Variants in MDGA2 observed in about 807,000 individuals in gnomAD.
The protein encoded by MDGA2 is MAM domain-containing glycosylphosphatidylinositol anchor protein 2.
A neutral mutation model predicts 117.8 loss-of-function variants in MDGA2; 40 were observed. That is an observed-to-expected ratio of 0.34 (90% confidence interval 0.26 to 0.44). The LOEUF (loss-of-function observed/expected upper bound fraction) is 0.44, where lower values mean the gene tolerates loss of function less well. Ranked by LOEUF, MDGA2 falls within the 20% of genes least tolerant of loss-of-function variation. The probability of loss-of-function intolerance (pLI) is 1.00; values close to 1 mark genes in which losing one functional copy is unlikely to be tolerated. For missense variants in MDGA2, 1,123 were observed against 1,250.6 expected (o/e 0.90, Z 1.54); for synonymous variants, 452 against 439.0 (o/e 1.03, Z -0.37).
At chr14:47,046,494 TA>T (rs1889270471) in intron 7 of MDGA2, among the ~76,000 whole-genome samples, 1 of 150,892 alleles carries the variant, frequency 6.6e-6, no homozygotes, top group Non-Finnish European at 1.5e-5. Context: ...GGGATATACC[TA>T]ATGTAAATGA....
At chr14:47,303,222 G>A (rs1421893667) in intron 1 of MDGA2, among the ~76,000 whole-genome samples, 1 of 152,034 alleles carries the variant, frequency 6.6e-6, no homozygotes, top group Non-Finnish European at 1.5e-5. Context: ...TAGGTTCTGG[G>A]TATTATATTC....
chr14:47,258,316 C>A (rs1887688186), intron 2 of MDGA2, among the ~76,000 whole-genome samples: 1 of 152,030 alleles, frequency 6.6e-6, no homozygotes, highest in South Asian at 2.1e-4. Context: ...AGCATGGCTG[C>A]AGAGGCTCAG....
chr14:47,290,161 A>AC (rs1888831255), intron 2 of MDGA2, among the ~76,000 whole-genome samples: 1 of 152,052 alleles, frequency 6.6e-6, no homozygotes, highest in Non-Finnish European at 1.5e-5. Context: ...CCCTCCCCAG[A>AC]ATTCATTCAT....
At chr14:47,285,912 T>C (rs949904026) in intron 2 of MDGA2, among the ~76,000 whole-genome samples, 1 of 152,080 alleles carries the variant, frequency 6.6e-6, no homozygotes, top group African/African-American at 2.4e-5. Flanking sequence ...AGACATTAGA[T>C]TTTAAAACCA....
Position 47,391,998 on chromosome 14 carries a change from G to GTAACCGGGA in MDGA2, c.281-90449_281-90448insTCCCGGTTA, listed in dbSNP as rs371788426. Among the ~76,000 whole-genome samples the GTAACCGGGA allele has an allele frequency of 1.1e-3, 167 of 152,266 alleles. 1 individual carries two copies. Among genetic ancestry groups the GTAACCGGGA allele is most frequent in the African/African-American group, 3.5e-3 (146 of 41,556 alleles). ...TTTTGGCATGCTGTGAGGCAAAGCT[G>GTAACCGGGA]TGCACATCCCGGTAATTCTGTCTGT... On this transcript the variant is annotated intron_variant, in intron 1 of 16. Coordinates refer to ENST00000399232, the MANE Select transcript of MDGA2 (RefSeq NM_001113498.3).
intron 1 of MDGA2, among the ~76,000 whole-genome samples, chr14:47,662,826 T>C: frequency 6.6e-6 from 1 of 152,172 alleles, no homozygotes; most frequent in East Asian, 1.9e-4. Flanking sequence ...ATGGAGTTTA[T>C]AATATTGTAG....
At chr14:47,317,658 G>A (rs535658282) in intron 1 of MDGA2, among the ~76,000 whole-genome samples, 9 of 152,036 alleles carry the variant, frequency 5.9e-5, no homozygotes, top group Non-Finnish European at 1.3e-4. Flanking sequence ...GAGGACCTAG[G>A]GCTCATCCCA....
chr14:46,924,875 T>C (rs764120459), intron 9 of MDGA2, among the ~76,000 whole-genome samples: 8 of 152,058 alleles, frequency 5.3e-5, no homozygotes, highest in Non-Finnish European at 1.0e-4. Context: ...AAACAAGCCA[T>C]TTAATAAGAG....
intron 4 of MDGA2, among the ~76,000 whole-genome samples, chr14:47,135,173 A>G (rs529861390): frequency 6.6e-6 from 1 of 152,184 alleles, no homozygotes; most frequent in East Asian, 1.9e-4. Context: ...AACACTTTAG[A>G]TTACCTTTAC....
At chr14:47,409,914 A>C (rs1289415334) in intron 1 of MDGA2, among the ~76,000 whole-genome samples, 1 of 152,230 alleles carries the variant, frequency 6.6e-6, no homozygotes, top group Admixed American at 6.5e-5. Flanking sequence ...CACCATGTTC[A>C]CATATCACTG....
At chr14:47,404,770 A>G (rs1031736065) in intron 1 of MDGA2, among the ~76,000 whole-genome samples, 2 of 152,206 alleles carry the variant, frequency 1.3e-5, no homozygotes, top group African/African-American at 2.4e-5. Context: ...CTGGGATTAC[A>G]GGTGTGAGCT....
rs535355555 is a variant in MDGA2 at position 46,865,351 on chromosome 14, T to TA, written c.2752+8081dup. On this transcript the variant is annotated intron_variant, in intron 14 of 16. Coordinates refer to ENST00000399232, the MANE Select transcript of MDGA2 (RefSeq NM_001113498.3). ...GACAAAATTCAACAACGCTTCATGCTAAAAACTCTCAATCAATTAGGTATT... is the reference window on the plus strand; with the variant it reads ...GACAAAATTCAACAACGCTTCATGCTAAAAAACTCTCAATCAATTAGGTATT... Among the ~76,000 whole-genome samples the TA allele has an allele frequency of 3.6e-4, 55 of 152,232 alleles. 3 individuals are homozygous for TA. In the South Asian group the frequency reaches 7.9e-3, roughly 22 times the overall value.
chr14:46,952,003 A>T (rs1428823436), intron 9 of MDGA2, among the ~76,000 whole-genome samples: 1 of 151,970 alleles, frequency 6.6e-6, no homozygotes, highest in Non-Finnish European at 1.5e-5. Context: ...TCTGAGACTA[A>T]ATGTCCGTGG....
intron 1 of MDGA2, among the ~76,000 whole-genome samples, chr14:47,333,082 T>C (rs115165028): frequency 9.3e-4 from 142 of 152,072 alleles, no homozygotes; most frequent in African/African-American, 3.3e-3. Context: ...ATCTTTGCTG[T>C]TGTGAATATT....
chr14:46,872,447 C>G (rs1882045135), intron 14 of MDGA2, among the ~76,000 whole-genome samples: 1 of 151,760 alleles, frequency 6.6e-6, no homozygotes, highest in African/African-American at 2.4e-5. Flanking sequence ...TGACTCATTC[C>G]TCAACTAGAT....
At chr14:47,561,163 G>GTTTTTTTTTTTTTTTTTTTTTTTTT (rs1309865250) in intron 1 of MDGA2, among the ~76,000 whole-genome samples, 4 of 83,868 alleles carry the variant, frequency 4.8e-5, no homozygotes, top group African/African-American at 8.3e-5. Context: ...GTTTTGTTTT[G>GTTTTTTTTTTTTTTTTTTTTTTTTT]TTTTTTTGTT....
rs573674652 is a variant in MDGA2 at position 47,064,828 on chromosome 14, C to T, written c.1196-3250G>A. On this transcript the variant is annotated intron_variant, in intron 6 of 16. Transcript: ENST00000399232. ...TTTTTCCGTGAACAATTTATAGTAG[C>T]TCATGTAATGTTAATTTAAAGTCAT... is the stretch of plus-strand genomic sequence containing the variant. 5.3e-5 allele frequency among the ~76,000 whole-genome samples: 8 copies of T among 152,158 alleles called. No individual in the cohort carries two copies. The South Asian group carries it at 1.7e-3, about 32-fold the overall frequency.
rs180860018 is a variant in MDGA2, at chr14:46,863,877, A to G, written c.2753-8723T>C. 5.4e-3 allele frequency among the ~76,000 whole-genome samples: 829 copies of G among 152,326 alleles called. 4 individuals carry two copies. The highest frequency in any genetic ancestry group is 9.8e-3 in the Non-Finnish European group (667 of 68,024). On this transcript the variant is annotated intron_variant, in intron 14 of 16. Coordinates refer to ENST00000399232, the MANE Select transcript of MDGA2 (RefSeq NM_001113498.3). ...TAGTTTTACTAGCAGGTCTATAACA[A>G]GTACCTGTAAAAAGAGTTTTATTAT...
At chr14:47,485,674 C>T (rs1894045662) in intron 1 of MDGA2, among the ~76,000 whole-genome samples, 1 of 152,042 alleles carries the variant, frequency 6.6e-6, no homozygotes, top group Non-Finnish European at 1.5e-5. Context: ...GGCTCAGGGT[C>T]CCTGTGTGCA....
Sources: gnomAD v4.1 joint callset for allele counts (sites outside exome capture counted in the v4.1 genomes callset) on GRCh38, gnomAD v4.1.1 for gene constraint, MANE v1.5 for transcripts, NCBI Gene and HGNC (gene_info 2026-07-23, HGNC 2026-07-21) for gene names.